GALNT18: variants seen among roughly 807,000 people sequenced by gnomAD.
GALNT18 encodes GalNAc-transferase 18.
Under a neutral mutation model 69.5 loss-of-function variants are expected in GALNT18, and 44 were observed. That is an observed-to-expected ratio of 0.63 (90% CI 0.50 to 0.81). The LOEUF is 0.81. GALNT18 is among the 40% of genes least tolerant of loss of function. The probability of loss-of-function intolerance (pLI) is 0.00; values close to 1 mark genes in which losing one functional copy is unlikely to be tolerated. For missense variants in GALNT18, 715 were observed against 810.0 expected, an observed-to-expected ratio of 0.88 and a Z score of 1.42; for synonymous variants, 364 against 318.2, an observed-to-expected ratio of 1.14 and a Z score of -1.53.
At chr11:11,322,310 G>T (rs2133039851) in intron 9 of GALNT18, among the ~76,000 whole-genome samples, 1 of 152,326 alleles carries the variant, frequency 6.6e-6, no homozygotes, top group East Asian at 1.9e-4. Context: ...AAGTATAACA[G>T]ATACTGTCCC....
chr11:11,569,741 G>A (rs775337075), intron 1 of GALNT18, among the ~76,000 whole-genome samples: 10 of 152,102 alleles, frequency 6.6e-5, no homozygotes, highest in Non-Finnish European at 1.2e-4. Context: ...CCCAGAGCAG[G>A]ACTAGGGTTG....
Position 11,586,483 on chromosome 11 carries a change from G to GT in GALNT18, c.235+34875dup, listed in dbSNP as rs1859228899. ...AGCTAAAAGATAGGAAATTCTACCT[G>GT]TTCAGGGCCCAGCATCCATAACTAG... On this transcript the variant is annotated intron_variant, in intron 1 of 10. Transcript: ENST00000227756. This position sits in a 1 kb window ranked among gnomAD's most constrained non-coding sequence, Gnocchi z 4.1. 6.6e-6 allele frequency among the ~76,000 whole-genome samples: 1 copy of GT among 152,106 alleles called. No homozygotes were observed. Among genetic ancestry groups the GT allele is most frequent in the East Asian group, 1.9e-4 (1 of 5,182 alleles).
At chr11:11,420,382 G>C (rs1025826221) in intron 3 of GALNT18, among the ~76,000 whole-genome samples, 2 of 152,140 alleles carry the variant, frequency 1.3e-5, no homozygotes, top group Admixed American at 1.3e-4. Context: ...GCAGCAGCTG[G>C]GGTGGCTACA....
In GALNT18 at chr11:11,591,502, A is replaced by G. The variant is rs1032293915; in HGVS notation, c.235+29857T>C. Among the ~76,000 whole-genome samples, 1 of 152,000 alleles carries G rather than the reference A, an allele frequency of 6.6e-6. No homozygotes were observed. Among genetic ancestry groups the G allele is most frequent in the African/African-American group, 2.4e-5 (1 of 41,384 alleles). On this transcript the variant is annotated intron_variant, in intron 1 of 10. Coordinates refer to ENST00000227756, the MANE Select transcript of GALNT18 (RefSeq NM_198516.3). The surrounding 1 kb of genome is among the most constrained non-coding windows in gnomAD (Gnocchi z 4.8). ...AAATTATTCCAATCACATCCTTCCA[A>G]TTTTATAGGCAAGTGGGGAGGGAGA...
chr11:11,406,508 C>T (rs547560317), intron 3 of GALNT18, among the ~76,000 whole-genome samples: 1 of 152,330 alleles, frequency 6.6e-6, no homozygotes, highest in Admixed American at 6.5e-5. Flanking sequence ...GCCCCCTGTC[C>T]ATCTCCAAAG....
rs1850140434 is a variant in GALNT18, at chr11:11,337,902, T to C, written c.1278+2917A>G. On this transcript the variant is annotated intron_variant, in intron 7 of 10. Transcript: ENST00000227756. The surrounding 1 kb of genome is among the most constrained non-coding windows in gnomAD (Gnocchi z 4.9). Reference sequence around the variant, plus strand: ...GAGGAGAAAGCATGGGAACTTTTGATGCCATGCCAAACACTGGGCTTTGTG... The same window carrying C: ...GAGGAGAAAGCATGGGAACTTTTGACGCCATGCCAAACACTGGGCTTTGTG... Among the ~76,000 whole-genome samples the C allele has an allele frequency of 6.6e-6, 1 of 151,508 alleles. No homozygotes were observed. Among genetic ancestry groups the C allele is most frequent in the African/African-American group, 2.4e-5 (1 of 41,170 alleles).
At position 11,421,927 on chromosome 11, in the gene GALNT18, C is replaced by A. The variant is rs191338798; in HGVS notation, c.595+10694G>T. Among the ~76,000 whole-genome samples the A allele has an allele frequency of 3.9e-5, 6 of 152,220 alleles. No homozygotes were observed. Among genetic ancestry groups the A allele is most frequent in the Admixed American group, 3.9e-4 (6 of 15,294 alleles). ...CAGACTTTATTTTAGCCCCTACGTG[C>A]CCCTGGCCTGGGTGCCCTGGCATAG... On this transcript the variant is annotated intron_variant, in intron 3 of 10. Transcript: ENST00000227756. This position sits in a 1 kb window ranked among gnomAD's most constrained non-coding sequence, Gnocchi z 5.6.
rs976436844 is a variant in GALNT18, at chr11:11,461,916, T to C, written c.236-12980A>G. Among the ~76,000 whole-genome samples, 1 of 152,218 alleles carries C rather than the reference T, an allele frequency of 6.6e-6. No individual in the cohort carries two copies. The highest frequency in any genetic ancestry group is 1.5e-5 in the Non-Finnish European group (1 of 68,034). On this transcript the variant is annotated intron_variant, in intron 1 of 10. Transcript: ENST00000227756. The surrounding 1 kb of genome is among the most constrained non-coding windows in gnomAD (Gnocchi z 4.1). ...AAGCTGCAAAAATCATATGTACCTT[T>C]CATCTGTAATATTACTCTATCATGT...
intron 3 of GALNT18, among the ~76,000 whole-genome samples, chr11:11,405,940 A>T (rs554291035): frequency 6.6e-6 from 1 of 152,318 alleles, no homozygotes; most frequent in Admixed American, 6.5e-5. Flanking sequence ...AGCACCTTCA[A>T]CATGGTCCTC....
rs561371468 is a variant in GALNT18 at position 11,271,519 on chromosome 11, G to A, written c.1678-229C>T. ...TTCACAGAGCCCTAGTTCTTCACTA[G>A]GAGAGAGGCCTCCCCACCCCTAGGT... is the stretch of plus-strand genomic sequence containing the variant. On this transcript the variant is annotated intron_variant, in intron 10 of 10. Coordinates refer to ENST00000227756, the MANE Select transcript of GALNT18 (RefSeq NM_198516.3). Among the ~76,000 whole-genome samples, 5 of 152,286 alleles carry A rather than the reference G, an allele frequency of 3.3e-5. No homozygotes were observed. The East Asian group carries it at 9.7e-4, about 29-fold the overall frequency.
At chr11:11,553,187 C>T (rs574652922) in intron 1 of GALNT18, among the ~76,000 whole-genome samples, 1 of 152,182 alleles carries the variant, frequency 6.6e-6, no homozygotes, top group Admixed American at 6.5e-5. Flanking sequence ...CTCTCAAGTT[C>T]GAGAACCACT....
In GALNT18 at chr11:11,459,172, G is replaced by C. The variant is rs1274655798; in HGVS notation, c.236-10236C>G. 6.6e-6 allele frequency among the ~76,000 whole-genome samples: 1 copy of C among 152,078 alleles called. No individual in the cohort carries two copies. Among genetic ancestry groups the C allele is most frequent in the Non-Finnish European group, 1.5e-5 (1 of 68,018 alleles). On this transcript the variant is annotated intron_variant, in intron 1 of 10. Coordinates refer to ENST00000227756, the MANE Select transcript of GALNT18 (RefSeq NM_198516.3). The surrounding 1 kb of genome is among the most constrained non-coding windows in gnomAD (Gnocchi z 5.0). ...GTAAATGCACTATTCTGTTGATGGA[G>C]GGCTTCCCTTCTTCTCTGTTTCTAG...
rs1487506886 is a variant in GALNT18 at position 11,494,288 on chromosome 11, T to C, written c.236-45352A>G. 6.6e-6 allele frequency among the ~76,000 whole-genome samples: 1 copy of C among 152,128 alleles called. No individual in the cohort carries two copies. The highest frequency in any genetic ancestry group is 1.9e-4 in the East Asian group (1 of 5,188). ...GCAGCAGCATAAACAAGCCAGACAC[T>C]AGAGCCTAAAAACTGGGTCCTTTCC... On this transcript the variant is annotated intron_variant, in intron 1 of 10. Coordinates refer to ENST00000227756, the MANE Select transcript of GALNT18 (RefSeq NM_198516.3). This position sits in a 1 kb window ranked among gnomAD's most constrained non-coding sequence, Gnocchi z 5.7.
chr11:11,498,336 AC>A (rs1355680179), intron 1 of GALNT18, among the ~76,000 whole-genome samples: 1 of 152,194 alleles, frequency 6.6e-6, no homozygotes, highest in East Asian at 1.9e-4. Context: ...CTGGGAAGAA[AC>A]CCAGCTCTGT....
intron 1 of GALNT18, among the ~76,000 whole-genome samples, chr11:11,458,095 C>A (rs920133363): frequency 6.6e-6 from 1 of 152,104 alleles, no homozygotes; most frequent in African/African-American, 2.4e-5. Flanking sequence ...CACTGGGGAC[C>A]CCTTCCCTCC....
chr11:11,536,651 CA>C (rs60605695), intron 1 of GALNT18, among the ~76,000 whole-genome samples: 162 of 137,014 alleles, frequency 1.2e-3, no homozygotes, highest in Middle Eastern at 3.7e-3. Context: ...AAAATTGAGA[CA>C]AAAAAAAAAA....
At chr11:11,484,057 T>A (rs1856590730) in intron 1 of GALNT18, among the ~76,000 whole-genome samples, 1 of 152,174 alleles carries the variant, frequency 6.6e-6, no homozygotes, top group Admixed American at 6.5e-5. Flanking sequence ...CATGCATTTC[T>A]CATTCACCTT....
intron 1 of GALNT18, among the ~76,000 whole-genome samples, chr11:11,522,304 A>G (rs887398957): frequency 6.6e-6 from 1 of 152,156 alleles, no homozygotes; most frequent in Admixed American, 6.5e-5. Flanking sequence ...GAAGCTCTTA[A>G]GCTTCCCTGC....
chr11:11,586,208 T>G lies in GALNT18; in HGVS notation c.235+35151A>C, dbSNP rs1037928108. 5.7e-4 allele frequency among the ~76,000 whole-genome samples: 87 copies of G among 152,316 alleles called. No homozygotes were observed. The highest frequency in any genetic ancestry group is 2.0e-3 in the African/African-American group (83 of 41,576). ...AGCAGTCTGAATGGACTAAAACAAA[T>G]TGTACCAAGAGTCTGTAGTTCTTTT... On this transcript the variant is annotated intron_variant, in intron 1 of 10. Transcript: ENST00000227756. This position sits in a 1 kb window ranked among gnomAD's most constrained non-coding sequence, Gnocchi z 4.1.
Sources: allele counts gnomAD v4.1 joint callset (sites outside exome capture counted in the v4.1 genomes callset), GRCh38; gene constraint gnomAD v4.1.1; non-coding constraint Gnocchi (gnomAD v3.1); transcripts MANE v1.5; gene names NCBI Gene and HGNC (gene_info 2026-07-23, HGNC 2026-07-21).